PGAP4: variants seen among roughly 807,000 people sequenced by gnomAD.
The protein encoded by PGAP4 is post-GPI attachment to proteins GalNAc transferase 4.
PGAP4 carries 12 observed loss-of-function variants against 28.2 expected under a neutral mutation model. The ratio of observed to expected loss-of-function variants is 0.42; its 90% CI spans 0.27 to 0.69. The LOEUF (loss-of-function observed/expected upper bound fraction) is 0.69. Ranked by LOEUF, PGAP4 falls within the 30% of genes least tolerant of loss-of-function variation. The probability of loss-of-function intolerance (pLI) is 0.22; values close to 1 mark genes in which losing one functional copy is unlikely to be tolerated. For missense variants in PGAP4, 425 were observed against 513.5 expected (o/e 0.83, Z 1.67); for synonymous variants, 205 against 211.8 (o/e 0.97, Z 0.28).
intron 2 of PGAP4, among the ~76,000 whole-genome samples, chr9:101,502,650 C>T (rs982437616): frequency 6.6e-6 from 1 of 151,996 alleles, no homozygotes. Context: ...TTTACATTTC[C>T]TGTTAGGGCA....
upstream of PGAP4, among the ~76,000 whole-genome samples, chr9:101,491,647 A>G (rs544518136): frequency 1.9e-3 from 281 of 151,632 alleles, 2 homozygotes; most frequent in African/African-American, 6.2e-3. Flanking sequence ...TCAGACATGT[A>G]TTTTTAAATT....
At chr9:101,516,393 G>A (rs985536807) in intron 2 of PGAP4, among the ~76,000 whole-genome samples, 1 of 152,058 alleles carries the variant, frequency 6.6e-6, no homozygotes, top group Non-Finnish European at 1.5e-5. Flanking sequence ...ATCAATTCAC[G>A]CTAATTTCTG....
intron 2 of PGAP4, among the ~76,000 whole-genome samples, chr9:101,497,629 C>T (rs1025821287): frequency 4.0e-5 from 6 of 151,190 alleles, no homozygotes; most frequent in Non-Finnish European, 7.4e-5. Flanking sequence ...TAAACCCAGG[C>T]GAAAATGTAT....
intron 2 of PGAP4, among the ~76,000 whole-genome samples, chr9:101,515,614 T>A (rs1826937705): frequency 6.6e-6 from 1 of 152,164 alleles, no homozygotes; most frequent in African/African-American, 2.4e-5. Context: ...ATCAGAAAAC[T>A]GGGAATTGTT....
rs933253511 is a variant in PGAP4 at position 101,484,455 on chromosome 9, G to A, written c.-78+2494C>T. Among the ~76,000 whole-genome samples, 7 of 152,154 alleles carry A rather than the reference G, an allele frequency of 4.6e-5. No homozygotes were observed. In the East Asian group the frequency reaches 7.7e-4, roughly 17 times the overall value. On this transcript the variant is annotated intron_variant, in intron 1 of 1. Coordinates refer to ENST00000374848, the MANE Select transcript of PGAP4 (RefSeq NM_032342.3). ...AAATCTTAGCTAGGTTTGTGCTTTG[G>A]ACTGAATGTTTGTCCTCCTCCTGCC... is the stretch of plus-strand genomic sequence containing the variant.
At chr9:101,501,517 T>C (rs1929478) in intron 2 of PGAP4, 238,763 of 375,278 alleles carry the variant, frequency 0.64, 77,174 homozygotes, top group East Asian at 0.8. Context: ...GTAATCTCCC[T>C]AGTAGATTAC....
chr9:101,528,154 C>T (rs528508271), intron 2 of PGAP4, among the ~76,000 whole-genome samples: 82 of 152,190 alleles, frequency 5.4e-4, no homozygotes, highest in Non-Finnish European at 1.0e-3. Flanking sequence ...TTGTGCCCTT[C>T]TTTTATTTTT....
chr9:101,483,586 G>A (rs1826543378), intron 1 of PGAP4, among the ~76,000 whole-genome samples: 1 of 151,936 alleles, frequency 6.6e-6, no homozygotes, highest in African/African-American at 2.4e-5. Context: ...AACATGGTTG[G>A]TACCAGAATT....
At chr9:101,524,281 T>C (rs865845888) in intron 2 of PGAP4, among the ~76,000 whole-genome samples, 49 of 151,852 alleles carry the variant, frequency 3.2e-4, no homozygotes, top group African/African-American at 9.4e-4. Flanking sequence ...GTCACAGGCT[T>C]CACCCAGCTC....
chr9:101,526,498 G>A (rs370414019), intron 2 of PGAP4, among the ~76,000 whole-genome samples: 2 of 152,148 alleles, frequency 1.3e-5, no homozygotes, highest in African/African-American at 4.8e-5. Flanking sequence ...CGCCCAGGCT[G>A]GAGAGCAGTG....
intron 1 of PGAP4, 25 bp from the exon 2 acceptor site, chr9:101,477,194 G>T: frequency 2.1e-6 from 3 of 1,417,646 alleles, no homozygotes; most frequent in East Asian, 2.5e-5. Context: ...AGTAGGGAAT[G>T]GTAAGAGTAA....
chr9:101,508,336 G>T (rs888845638), intron 2 of PGAP4, among the ~76,000 whole-genome samples: 2 of 152,014 alleles, frequency 1.3e-5, no homozygotes, highest in Admixed American at 1.3e-4. Context: ...ATGCCTTTGC[G>T]GTAGTTCATA....
At position 101,476,114 on chromosome 9, in the gene PGAP4, C is replaced by G. The variant is rs1300036551; in HGVS notation, c.979G>C (p.Val327Leu). 6.2e-7 allele frequency: 1 copy of G among 1,614,046 alleles called. No individual in the cohort carries two copies. Among genetic ancestry groups the G allele is most frequent in the East Asian group, 2.2e-5 (1 of 44,868 alleles). Residue 327 changes from valine (V) to leucine (L), a missense_variant, in exon 2 of 2, where the codon GTT (valine) becomes CTT (leucine). Transcript: ENST00000374848. The surrounding 1 kb of genome is among the most constrained non-coding windows in gnomAD (Gnocchi z 7.0). The stretch of plus-strand genomic sequence containing the variant: ...GGGGTGCAACACTGAGAGGCAGGAA[C>G]CACACTGTACAGGGAAGGACTCAGC... ...RRLSPSLYSV[V>L]PASQCCTPAM...
In PGAP4 at chr9:101,477,106, G is replaced by C. The variant is rs1826346270; in HGVS notation, c.-14C>G. ...TGAAGTGCTCATGAGGTCAACTTTT[G>C]TTCATGTCTGGTCCCAAGAAAAAAC... On this transcript the variant is annotated 5_prime_UTR_variant, in exon 2 of 2. Transcript: ENST00000374848. The C allele has an allele frequency of 6.5e-7, 1 of 1,547,032 alleles. No individual in the cohort carries two copies. Among genetic ancestry groups the C allele is most frequent in the Non-Finnish European group, 8.7e-7 (1 of 1,150,226 alleles).
chr9:101,526,481 ACT>A (rs1303936489), intron 2 of PGAP4, among the ~76,000 whole-genome samples: 1 of 151,528 alleles, frequency 6.6e-6, no homozygotes, highest in Non-Finnish European at 1.5e-5. Context: ...ATGGCGTCTG[ACT>A]CTCTCGCCCA....
upstream of PGAP4, among the ~76,000 whole-genome samples, chr9:101,491,812 G>GACATAT (rs1678789909): frequency 9.4e-6 from 1 of 106,268 alleles, no homozygotes; most frequent in Non-Finnish European, 1.8e-5. Flanking sequence ...AATCTTAAAG[G>GACATAT]ATATATATAT....
intron 2 of PGAP4, among the ~76,000 whole-genome samples, chr9:101,528,124 A>T (rs1276972595): frequency 1.3e-5 from 2 of 152,244 alleles, no homozygotes; most frequent in East Asian, 3.8e-4. Flanking sequence ...ATGAGATCAT[A>T]GGCACTGCCC....
At chr9:101,510,671 G>A (rs1826889523) in intron 2 of PGAP4, among the ~76,000 whole-genome samples, 1 of 152,128 alleles carries the variant, frequency 6.6e-6, no homozygotes, top group Non-Finnish European at 1.5e-5. Flanking sequence ...GCTCTCCATT[G>A]ACGTTTGTTT....
chr9:101,480,997 C>T (rs755213676), intron 1 of PGAP4, among the ~76,000 whole-genome samples: 1 of 152,004 alleles, frequency 6.6e-6, no homozygotes, highest in African/African-American at 2.4e-5. Flanking sequence ...GGCAACATGG[C>T]AAAACCTAGT....
Sources: allele counts gnomAD v4.1 joint callset (sites outside exome capture counted in the v4.1 genomes callset), GRCh38; gene constraint gnomAD v4.1.1; non-coding constraint Gnocchi (gnomAD v3.1); transcripts MANE v1.5; gene names NCBI Gene and HGNC (gene_info 2026-07-23, HGNC 2026-07-21).